Variants in MAGEB10 observed in about 807,000 individuals in gnomAD.
MAGEB10 encodes the protein melanoma-associated antigen B10.
For missense variants in MAGEB10, 190 were observed against 261.9 expected, an observed-to-expected ratio of 0.73 and a Z score of 1.89; for synonymous variants, 99 against 101.0, an observed-to-expected ratio of 0.98 and a Z score of 0.12.
At chrX:27,814,834 C>A (rs1297596269) in intron 1 of MAGEB10, among the ~76,000 whole-genome samples, 1 of 112,189 alleles carries the variant, frequency 8.9e-6, no homozygotes, top group Non-Finnish European at 1.9e-5. Flanking sequence ...CACACTGTTG[C>A]ACTCCTTCCT....
intron 2 of MAGEB10, among the ~76,000 whole-genome samples, chrX:27,818,338 C>T (rs2147396695): frequency 9.0e-6 from 1 of 110,811 alleles, no homozygotes; most frequent in South Asian, 3.9e-4. Context: ...ATATGTGGCC[C>T]CCCTTGAGTA....
rs1164284851 is a variant in MAGEB10, at chrX:27,822,744, G to A, written c.*394G>A. 2.1e-5 allele frequency: 3 copies of A among 145,577 alleles called. No homozygotes were observed. Among genetic ancestry groups the A allele is most frequent in the South Asian group, 2.4e-4 (1 of 4,167 alleles). The allele number at this position is 145,577 out of a possible 1,213,427, so 12.0% of individuals were successfully genotyped here. ...AAATAGAGCAAAGAGGGTCGGGTGC[G>A]GTGGCTCACACCTGTAATCCTAGCA... On this transcript the variant is annotated 3_prime_UTR_variant, in exon 3 of 3. Transcript: ENST00000356790.
chrX:27,819,758 C>T (rs1436334599), intron 2 of MAGEB10, among the ~76,000 whole-genome samples: 1 of 111,542 alleles, frequency 9.0e-6, no homozygotes, highest in Non-Finnish European at 1.9e-5. Context: ...CCACAGCATC[C>T]AGGCTTCTGC....
At chrX:27,819,465 G>A (rs4399068) in intron 2 of MAGEB10, among the ~76,000 whole-genome samples, 2,213 of 111,302 alleles carry the variant, frequency 0.02, 18 homozygotes, top group South Asian at 0.085. Flanking sequence ...GAGATTTCCA[G>A]GTCCTGTCAG....
intron 1 of MAGEB10, among the ~76,000 whole-genome samples, chrX:27,813,321 A>C (rs73196169): frequency 8.9e-6 from 1 of 112,216 alleles, no homozygotes; most frequent in Non-Finnish European, 1.9e-5. Context: ...AAATGCTTTC[A>C]TTCCGTTATG....
At chrX:27,809,068 C>T (rs1011770859) in intron 1 of MAGEB10, among the ~76,000 whole-genome samples, 6 of 112,707 alleles carry the variant, frequency 5.3e-5, no homozygotes, top group African/African-American at 1.9e-4. Flanking sequence ...CCCACCGCTG[C>T]ACTGTGGGAG....
At chrX:27,816,928 T>G (rs2147395870) in intron 1 of MAGEB10, among the ~76,000 whole-genome samples, 1 of 110,691 alleles carries the variant, frequency 9.0e-6, no homozygotes, top group East Asian at 2.8e-4. Context: ...ATATGGAGAC[T>G]ACATTGCCAG....
chrX:27,815,745 A>T (rs1051801425), intron 1 of MAGEB10, among the ~76,000 whole-genome samples: 1 of 111,962 alleles, frequency 8.9e-6, no homozygotes, highest in African/African-American at 3.2e-5. Context: ...TGACATAACA[A>T]ATGCCATACA....
intron 1 of MAGEB10, among the ~76,000 whole-genome samples, chrX:27,814,091 T>G (rs1402466329): frequency 9.0e-6 from 1 of 111,539 alleles, no homozygotes; most frequent in Admixed American, 9.5e-5. Context: ...AAAAAACTTG[T>G]ACTTTAAGTT....
chrX:27,820,448 AG>A (rs1923862629), intron 2 of MAGEB10, among the ~76,000 whole-genome samples: 1 of 110,367 alleles, frequency 9.1e-6, no homozygotes, highest in African/African-American at 3.3e-5. Flanking sequence ...CAGGGAGGGG[AG>A]GGCGTTGGAC....
At chrX:27,817,133 C>A (rs1169263446) in intron 1 of MAGEB10, among the ~76,000 whole-genome samples, 1 of 107,708 alleles carries the variant, frequency 9.3e-6, no homozygotes, top group Non-Finnish European at 1.9e-5. Flanking sequence ...GCAAAAAATC[C>A]CTATTAATTA....
At chrX:27,816,755 CAA>C (rs1315175758) in intron 1 of MAGEB10, among the ~76,000 whole-genome samples, 2 of 111,740 alleles carry the variant, frequency 1.8e-5, no homozygotes, top group African/African-American at 6.5e-5. Context: ...TGTTGTTTAG[CAA>C]AGATATTTGA....
chrX:27,812,535 C>A (rs1602862099), intron 1 of MAGEB10: 1 of 164,536 alleles, frequency 6.1e-6, no homozygotes, highest in Non-Finnish European at 1.2e-5. Flanking sequence ...GAATTGTGCC[C>A]CTGAGGAGGA....
intron 1 of MAGEB10, among the ~76,000 whole-genome samples, chrX:27,816,460 G>C (rs1923785740): frequency 9.0e-6 from 1 of 111,528 alleles, no homozygotes; most frequent in Non-Finnish European, 1.9e-5. Context: ...GGAAAATCCT[G>C]GTTTTTCATT....
chrX:27,814,011 G>A (rs1173641868), intron 1 of MAGEB10, among the ~76,000 whole-genome samples: 1 of 111,575 alleles, frequency 9.0e-6, no homozygotes, highest in Non-Finnish European at 1.9e-5. Context: ...AAGCCATTGT[G>A]CTGGCATTAT....
At position 27,822,215 on chromosome X, in the gene MAGEB10, C is replaced by A. The variant is rs765296675; in HGVS notation, c.909C>A (p.Phe303Leu). The A allele has an allele frequency of 1.7e-6, 2 of 1,211,438 alleles. No homozygotes were observed. The part of the protein sequence containing the change: ...AKVNDTAPSE[F>L]SNWYTEALQD... ...TAAATGATACAGCTCCCAGTGAATT[C>A]TCAAACTGGTATACAGAGGCTTTAC... is the stretch of plus-strand genomic sequence containing the variant. The change falls in exon 3 of 3, where the codon TTC becomes TTA. Residue 303 changes from phenylalanine (F) to leucine (L), a missense_variant. Transcript: ENST00000356790.
chrX:27,814,635 T>A (rs192471666), intron 1 of MAGEB10, among the ~76,000 whole-genome samples: 5 of 111,750 alleles, frequency 4.5e-5, no homozygotes, highest in African/African-American at 1.6e-4. Context: ...TTATTAAATA[T>A]GCAATAAATA....
intron 1 of MAGEB10, among the ~76,000 whole-genome samples, chrX:27,816,923 G>A (rs1209153119): frequency 9.1e-6 from 1 of 110,232 alleles, no homozygotes; most frequent in Non-Finnish European, 1.9e-5. Context: ...GGTTCATATG[G>A]AGACTACATT....
intron 1 of MAGEB10, among the ~76,000 whole-genome samples, chrX:27,809,029 A>G (rs1923601810): frequency 8.9e-6 from 1 of 112,534 alleles, no homozygotes; most frequent in Admixed American, 9.2e-5. Flanking sequence ...CTGGGCTCCC[A>G]CTTTGGTGGC....
Sources: gnomAD v4.1 joint callset for allele counts (sites outside exome capture counted in the v4.1 genomes callset) on GRCh38, gnomAD v4.1.1 for gene constraint, MANE v1.5 for transcripts, NCBI Gene and HGNC (gene_info 2026-07-23, HGNC 2026-07-21) for gene names.